Variants in POU6F2 observed in about 807,000 individuals in gnomAD.
The protein encoded by POU6F2 is POU domain, class 6, transcription factor 2.
In POU6F2, 31 loss-of-function variants were observed where a neutral mutation model predicts 71.3. The observed-to-expected ratio is 0.43, with a 90% CI of 0.33 to 0.59. The LOEUF is 0.59. Among genes scored for constraint, POU6F2 ranks in the 20% least tolerant of loss-of-function variants. The pLI is 0.04. For missense variants in POU6F2, 783 were observed against 856.8 expected (o/e 0.91, Z 1.07); for synonymous variants, 347 against 355.7 (o/e 0.98, Z 0.27).
chr7:39,157,729 CA>C (rs1217992341), intron 2 of POU6F2, among the ~76,000 whole-genome samples: 1 of 152,210 alleles, frequency 6.6e-6, no homozygotes, highest in Non-Finnish European at 1.5e-5. Flanking sequence ...TTCTGTCCTA[CA>C]GCTGAAATCA....
At chr7:39,375,860 T>C (rs1409281396) in intron 5 of POU6F2, among the ~76,000 whole-genome samples, 2 of 152,006 alleles carry the variant, frequency 1.3e-5, no homozygotes, top group African/African-American at 4.8e-5. Context: ...GGGTGGAGTT[T>C]TTTGTTGTTG....
intron 2 of POU6F2, among the ~76,000 whole-genome samples, chr7:39,159,918 A>G (rs189910237): frequency 6.6e-6 from 1 of 152,320 alleles, no homozygotes; most frequent in East Asian, 1.9e-4. Flanking sequence ...ACTCTCAACC[A>G]GAAAGACACG....
chr7:39,039,752 A>C (rs754116504), intron 1 of POU6F2, among the ~76,000 whole-genome samples: 1 of 151,438 alleles, frequency 6.6e-6, no homozygotes, highest in East Asian at 2.0e-4. Context: ...CTAGTATCCC[A>C]TGAAAGGTAT....
chr7:39,054,938 CAAGAT>C (rs954944539), intron 1 of POU6F2, among the ~76,000 whole-genome samples: 2 of 151,744 alleles, frequency 1.3e-5, no homozygotes, highest in East Asian at 1.9e-4. Context: ...TCATTACCCT[CAAGAT>C]AAGAAAAAGC....
intron 5 of POU6F2, among the ~76,000 whole-genome samples, chr7:39,353,016 G>A (rs559999986): frequency 1.3e-5 from 2 of 152,262 alleles, no homozygotes; most frequent in African/African-American, 2.4e-5. Flanking sequence ...ATAAAAACAC[G>A]TTTTCTTGAC....
intron 4 of POU6F2, among the ~76,000 whole-genome samples, chr7:39,278,496 T>A (rs1230132269): frequency 6.6e-6 from 1 of 152,166 alleles, no homozygotes; most frequent in African/African-American, 2.4e-5. Flanking sequence ...GCCTGGCAAC[T>A]TACCTTTTAT....
chr7:39,062,975 G>A (rs1293451164), intron 1 of POU6F2, among the ~76,000 whole-genome samples: 2 of 151,926 alleles, frequency 1.3e-5, no homozygotes, highest in African/African-American at 4.8e-5. Flanking sequence ...CAGACATGGC[G>A]ATCAGCTTCA....
intron 2 of POU6F2, among the ~76,000 whole-genome samples, chr7:39,200,281 G>A (rs538749139): frequency 1.3e-5 from 2 of 152,180 alleles, no homozygotes; most frequent in Admixed American, 6.5e-5. Context: ...AAACATTCAC[G>A]TGAGCTACGC....
chr7:39,040,239 A>C, intron 1 of POU6F2, among the ~76,000 whole-genome samples: 1 of 146,276 alleles, frequency 6.8e-6, no homozygotes, highest in Non-Finnish European at 1.5e-5. Context: ...AAAATAATGC[A>C]TAGGTAGTAA....
At chr7:39,217,262 A>G (rs1366379746) in intron 4 of POU6F2, among the ~76,000 whole-genome samples, 1 of 149,788 alleles carries the variant, frequency 6.7e-6, no homozygotes, top group Admixed American at 6.6e-5. Context: ...TATGAACAGT[A>G]TTTAATATTA....
At chr7:39,408,522 A>G (rs903557772) in intron 6 of POU6F2, among the ~76,000 whole-genome samples, 7 of 152,226 alleles carry the variant, frequency 4.6e-5, no homozygotes, top group Non-Finnish European at 1.5e-5. Context: ...TTAGAAAATG[A>G]TCTTCCAAGT....
At chr7:39,144,935 A>C (rs1482850545) in intron 2 of POU6F2, among the ~76,000 whole-genome samples, 2 of 152,176 alleles carry the variant, frequency 1.3e-5, no homozygotes, top group Non-Finnish European at 2.9e-5. Context: ...CAAGTGGCCC[A>C]GGTCATTATT....
intron 2 of POU6F2, among the ~76,000 whole-genome samples, chr7:39,160,592 C>T (rs1792975311): frequency 6.6e-6 from 1 of 152,172 alleles, no homozygotes; most frequent in Non-Finnish European, 1.5e-5. Context: ...CTCCTGCTTT[C>T]CTGCTTCTGG....
At chr7:39,047,253 A>G (rs529367966) in intron 1 of POU6F2, among the ~76,000 whole-genome samples, 8 of 151,998 alleles carry the variant, frequency 5.3e-5, no homozygotes, top group Admixed American at 4.6e-4. Flanking sequence ...AAAAAAGCCT[A>G]TTGAAATTTT....
intron 1 of POU6F2, among the ~76,000 whole-genome samples, chr7:39,017,265 C>T (rs1789577869): frequency 6.6e-6 from 1 of 152,044 alleles, no homozygotes; most frequent in Non-Finnish European, 1.5e-5. Flanking sequence ...ACAGTTTTAC[C>T]TAACAATGAG....
chr7:39,073,979 T>C (rs191107011), intron 1 of POU6F2, among the ~76,000 whole-genome samples: 313 of 152,346 alleles, frequency 2.1e-3, no homozygotes, highest in African/African-American at 6.4e-3. Context: ...TGATAGTTAC[T>C]TATTTCTTAA....
chr7:39,315,368 A>G (rs1396964665), intron 4 of POU6F2, among the ~76,000 whole-genome samples: 1 of 152,182 alleles, frequency 6.6e-6, no homozygotes, highest in Admixed American at 6.5e-5. Flanking sequence ...ATATGTGCAA[A>G]TGAAGCCCCA....
At position 39,086,097 on chromosome 7, in the gene POU6F2, C is replaced by CA. The variant is rs150642158; in HGVS notation, c.277+68dup. 4.8e-6 allele frequency: 7 copies of CA among 1,468,218 alleles called. No homozygotes were observed. In the African/African-American group the frequency reaches 1.0e-4, roughly 21 times the overall value. The allele number at this position is 1,468,218 out of a possible 1,614,324, so 90.9% of individuals were successfully genotyped here. A position where few individuals can be genotyped will look rare whatever the true frequency, so the allele number is the denominator to read the frequency against. On this transcript the variant is annotated intron_variant, in intron 2 of 9. Transcript: ENST00000518318. ...GTCCGGAAGAGCAATCCAACCCCCC[C>CA]AACCCCCCCTTTTTTTCTGTTGTTC...
chr7:39,232,351 T>G (rs1168840424), intron 4 of POU6F2, among the ~76,000 whole-genome samples: 1 of 152,024 alleles, frequency 6.6e-6, no homozygotes, highest in African/African-American at 2.4e-5. Context: ...AACCAAGTGC[T>G]GCTTACCTGT....
Sources: gnomAD v4.1 joint callset for allele counts (sites outside exome capture counted in the v4.1 genomes callset) on GRCh38, gnomAD v4.1.1 for gene constraint, MANE v1.5 for transcripts, NCBI Gene and HGNC (gene_info 2026-07-23, HGNC 2026-07-21) for gene names.